Variants in VEPH1 observed in about 807,000 individuals in gnomAD.
The protein encoded by VEPH1 is ventricular zone-expressed PH domain-containing protein homolog 1.
VEPH1 carries 80 observed loss-of-function variants against 85.2 expected under a neutral mutation model. That is an observed-to-expected ratio of 0.94 (90% CI 0.78 to 1.13). The LOEUF is 1.13. Among genes scored for constraint, VEPH1 ranks in the 50% most tolerant of loss-of-function variants. The pLI is 0.00. For synonymous variants in VEPH1, 297 were observed against 348.0 expected, an observed-to-expected ratio of 0.85 and a Z score of 1.63; for missense variants, 955 against 980.5, an observed-to-expected ratio of 0.97 and a Z score of 0.35.
At chr3:157,373,661 C>T (rs543329657) in intron 7 of VEPH1, among the ~76,000 whole-genome samples, 3 of 152,298 alleles carry the variant, frequency 2.0e-5, no homozygotes, top group East Asian at 1.9e-4. Context: ...GGTCCTCTTA[C>T]CTCTTCTCCC....
rs1720844622 is a variant in VEPH1 at position 157,317,218 on chromosome 3, A to G, written c.1736-17T>C. 3 of 1,604,474 alleles carry G rather than the reference A, an allele frequency of 1.9e-6. No individual in the cohort carries two copies. The highest frequency in any genetic ancestry group is 2.2e-5 in the East Asian group (1 of 44,546). Reference sequence around the variant, plus strand: ...TCACAGTGTCTAGAAACAAATACATATAGCGTTAAACGTTATGGTCTTTCC... The same window carrying G: ...TCACAGTGTCTAGAAACAAATACATGTAGCGTTAAACGTTATGGTCTTTCC... On this transcript the variant is annotated splice_polypyrimidine_tract_variant and intron_variant, in intron 9 of 13. Coordinates refer to ENST00000362010, the MANE Select transcript of VEPH1 (RefSeq NM_001167912.2).
At chr3:157,397,588 G>T (rs1244916052) in intron 6 of VEPH1, among the ~76,000 whole-genome samples, 1 of 152,042 alleles carries the variant, frequency 6.6e-6, no homozygotes, top group East Asian at 1.9e-4. Flanking sequence ...TGTCCTCTCT[G>T]ATTTCCTTGA....
chr3:157,451,005 A>G (rs1734927384), intron 4 of VEPH1, among the ~76,000 whole-genome samples: 1 of 152,200 alleles, frequency 6.6e-6, no homozygotes, highest in South Asian at 2.1e-4. Context: ...ATCTATGTTC[A>G]TAATTAAGAT....
chr3:157,393,145 G>A (rs1482196860), intron 6 of VEPH1, among the ~76,000 whole-genome samples: 1 of 152,154 alleles, frequency 6.6e-6, no homozygotes, highest in Non-Finnish European at 1.5e-5. Context: ...AAGTGTGAGG[G>A]TATGTTTATG....
At chr3:157,302,729 C>T (rs980075552) in intron 11 of VEPH1, among the ~76,000 whole-genome samples, 5 of 152,188 alleles carry the variant, frequency 3.3e-5, no homozygotes, top group Non-Finnish European at 7.3e-5. Context: ...CTCAAAACTC[C>T]TCCGTGGCTT....
intron 2 of VEPH1, among the ~76,000 whole-genome samples, chr3:157,487,241 G>A (rs1353350666): frequency 1.3e-5 from 2 of 151,918 alleles, no homozygotes; most frequent in Admixed American, 6.6e-5. Flanking sequence ...AAAAGTAGAA[G>A]GCAAAGCTTT....
intron 2 of VEPH1, chr3:157,488,966 C>A (rs1338883077): frequency 1.4e-5 from 3 of 211,614 alleles, no homozygotes; most frequent in Admixed American, 9.3e-5. Flanking sequence ...CCCTTCCCCC[C>A]ACCTCCCCCT....
intron 9 of VEPH1, among the ~76,000 whole-genome samples, chr3:157,317,824 A>C (rs1720908552): frequency 6.6e-6 from 1 of 152,172 alleles, no homozygotes. Context: ...ATAATGAATA[A>C]ATGAATGAAT....
chr3:157,470,844 T>C (rs1736881353), intron 2 of VEPH1, among the ~76,000 whole-genome samples: 1 of 152,210 alleles, frequency 6.6e-6, no homozygotes, highest in Admixed American at 6.5e-5. Flanking sequence ...TCTAAGTCCA[T>C]TACAGGGCAG....
chr3:157,416,274 C>A (rs1373398995), intron 5 of VEPH1, among the ~76,000 whole-genome samples: 2 of 152,068 alleles, frequency 1.3e-5, no homozygotes, highest in East Asian at 3.9e-4. Flanking sequence ...AAACAACTAA[C>A]AAGAACATAA....
intron 3 of VEPH1, among the ~76,000 whole-genome samples, chr3:157,464,038 A>G (rs1736136516): frequency 6.6e-6 from 1 of 152,210 alleles, no homozygotes; most frequent in South Asian, 2.1e-4. Flanking sequence ...AACATTGAGC[A>G]TCCTCTTTTT....
chr3:157,295,870 G>C (rs1289397032), intron 11 of VEPH1, among the ~76,000 whole-genome samples: 1 of 152,116 alleles, frequency 6.6e-6, no homozygotes, highest in Non-Finnish European at 1.5e-5. Flanking sequence ...CTGGAGAATC[G>C]CTTGAACCTG....
At chr3:157,342,783 C>T (rs899269490) in intron 9 of VEPH1, among the ~76,000 whole-genome samples, 4 of 152,146 alleles carry the variant, frequency 2.6e-5, no homozygotes, top group African/African-American at 7.2e-5. Flanking sequence ...GGAAGTAAAG[C>T]ACTCCTCAGC....
chr3:157,275,552 G>T (rs1290069763), intron 12 of VEPH1, among the ~76,000 whole-genome samples: 1 of 151,690 alleles, frequency 6.6e-6, no homozygotes, highest in Non-Finnish European at 1.5e-5. Context: ...TACCAGTCTG[G>T]TGGCACAGGG....
chr3:157,457,470 G>C (rs1164927878), intron 4 of VEPH1, among the ~76,000 whole-genome samples: 1 of 152,158 alleles, frequency 6.6e-6, no homozygotes, highest in Non-Finnish European at 1.5e-5. Context: ...GTTTTCAGTG[G>C]TAATGTTTCC....
At chr3:157,424,321 T>C (rs995343552) in intron 5 of VEPH1, among the ~76,000 whole-genome samples, 8 of 152,216 alleles carry the variant, frequency 5.3e-5, no homozygotes, top group African/African-American at 1.7e-4. Context: ...CCTCTTTTTC[T>C]TCCCAGTCTT....
intron 9 of VEPH1, among the ~76,000 whole-genome samples, chr3:157,342,807 C>T (rs868335052): frequency 2.6e-5 from 4 of 152,278 alleles, no homozygotes; most frequent in African/African-American, 9.6e-5. Context: ...TGTAAAAGAA[C>T]AGAAATTATA....
At chr3:157,346,182 C>T (rs1724202651) in intron 9 of VEPH1, among the ~76,000 whole-genome samples, 1 of 151,990 alleles carries the variant, frequency 6.6e-6, no homozygotes, top group African/African-American at 2.4e-5. Flanking sequence ...AAAAAAAAGT[C>T]AGTAAGGTCA....
intron 2 of VEPH1, among the ~76,000 whole-genome samples, chr3:157,474,046 T>C (rs1737220290): frequency 6.6e-6 from 1 of 152,164 alleles, no homozygotes; most frequent in African/African-American, 2.4e-5. Flanking sequence ...TAAATTTTTT[T>C]GCGTCAATAT....
Sources: gnomAD v4.1 joint callset for allele counts (sites outside exome capture counted in the v4.1 genomes callset) on GRCh38, gnomAD v4.1.1 for gene constraint, MANE v1.5 for transcripts, NCBI Gene and HGNC (gene_info 2026-07-23, HGNC 2026-07-21) for gene names.